The following RALGPS2 variants were observed in gnomAD, a reference collection of about 807,000 sequenced individuals.
RALGPS2 encodes Ral GEF with PH domain and SH3 binding motif 2.
Under a neutral mutation model 86.8 loss-of-function variants are expected in RALGPS2, and 43 were observed. That is an observed-to-expected ratio of 0.50 (90% CI 0.39 to 0.64). RALGPS2 has a LOEUF of 0.64. Among genes scored for constraint, RALGPS2 ranks in the 30% least tolerant of loss-of-function variants. RALGPS2 has a pLI of 0.00. For synonymous variants in RALGPS2, 243 were observed against 231.3 expected (o/e 1.05, Z -0.46); for missense variants, 536 against 694.6 (o/e 0.77, Z 2.57).
intron 8 of RALGPS2, among the ~76,000 whole-genome samples, chr1:178,862,773 G>A (rs980048111): frequency 1.3e-5 from 2 of 152,112 alleles, no homozygotes; most frequent in African/African-American, 2.4e-5. Context: ...GGTCCGCTAG[G>A]AAAGTAGGCT....
At chr1:178,838,081 C>T (rs1450472299) in intron 8 of RALGPS2, among the ~76,000 whole-genome samples, 3 of 152,234 alleles carry the variant, frequency 2.0e-5, no homozygotes, top group Non-Finnish European at 4.4e-5. Context: ...CTACCTGCCT[C>T]TGTAGAATCC....
chr1:178,870,389 T>A (rs2102349774), intron 8 of RALGPS2, among the ~76,000 whole-genome samples: 1 of 152,328 alleles, frequency 6.6e-6, no homozygotes, highest in Non-Finnish European at 1.5e-5. Context: ...ATTCCTTTGT[T>A]TTTAATCATT....
chr1:178,808,725 A>G (rs552734498), intron 5 of RALGPS2, among the ~76,000 whole-genome samples: 2 of 152,254 alleles, frequency 1.3e-5, no homozygotes, highest in South Asian at 4.1e-4. Context: ...TTTTGCTCAT[A>G]CGTAGGGTTG....
At chr1:178,766,451 A>G (rs1652513116) in intron 1 of RALGPS2, among the ~76,000 whole-genome samples, 1 of 150,176 alleles carries the variant, frequency 6.7e-6, no homozygotes, top group African/African-American at 2.5e-5. Context: ...CTGGTCTTGA[A>G]CTCCTTACAT....
At position 178,776,798 on chromosome 1, in the gene RALGPS2, A is replaced by C; in HGVS notation, c.34A>C (p.Asn12His). 2 of 1,613,200 alleles carry C rather than the reference A, an allele frequency of 1.2e-6. No homozygotes were observed. Among genetic ancestry groups the C allele is most frequent in the Non-Finnish European group, 1.7e-6 (2 of 1,179,470 alleles). Residue 12 changes from asparagine to histidine, a missense_variant, in exon 2 of 20, where the codon AAT becomes CAT. Physicochemically the swap from Asn to His is moderately conservative, Grantham distance 68 (BLOSUM62 1). Coordinates refer to ENST00000367635, the MANE Select transcript of RALGPS2 (RefSeq NM_152663.5). ...DLMNGQASSV[N>H]IAATASEKSS... ...AATGAACGGGCAGGCAAGCAGTGTC[A>C]ATATTGCAGCTACTGCTTCTGAGGT...
intron 1 of RALGPS2, chr1:178,746,754 C>T (rs1364633605): frequency 7.4e-6 from 6 of 806,594 alleles, no homozygotes; most frequent in East Asian, 2.4e-5. Flanking sequence ...ATCTGCTGCA[C>T]CTTCTGAGCT....
intron 1 of RALGPS2, chr1:178,753,708 T>C (rs193183160): frequency 1.3e-5 from 2 of 152,226 alleles, no homozygotes; most frequent in African/African-American, 4.8e-5. Context: ...GAGATACTTA[T>C]GTACCAAGTG....
At chr1:178,886,628 A>G (rs1003000587) in intron 13 of RALGPS2, among the ~76,000 whole-genome samples, 10 of 152,212 alleles carry the variant, frequency 6.6e-5, no homozygotes, top group Non-Finnish European at 1.5e-4. Flanking sequence ...ATCTGAAGAT[A>G]TACGAGAGGT....
chr1:178,836,710 T>C (rs898889383), intron 8 of RALGPS2, among the ~76,000 whole-genome samples: 2 of 152,240 alleles, frequency 1.3e-5, no homozygotes, highest in Non-Finnish European at 2.9e-5. Context: ...TATTAGCTGC[T>C]CTTACTCTAC....
At chr1:178,844,375 G>A (rs1656765466) in intron 8 of RALGPS2, among the ~76,000 whole-genome samples, 1 of 152,094 alleles carries the variant, frequency 6.6e-6, no homozygotes, top group South Asian at 2.1e-4. Context: ...CTTGTAAAAG[G>A]GAGTAGAGTC....
In RALGPS2 at chr1:178,877,500, A is replaced by T; in HGVS notation, c.610A>T (p.Ile204Phe). The T allele has an allele frequency of 6.2e-7, 1 of 1,612,962 alleles. No homozygotes were observed. Among genetic ancestry groups the T allele is most frequent in the Non-Finnish European group, 8.5e-7 (1 of 1,179,390 alleles). Residue 204 changes from isoleucine to phenylalanine, a missense_variant and splice_region_variant, in exon 9 of 20, where the codon ATC becomes TTC. Physicochemically the swap from Ile to Phe is conservative, Grantham distance 21. Coordinates refer to ENST00000367635, the MANE Select transcript of RALGPS2 (RefSeq NM_152663.5). ...TCATTTATCTAATTGTATTTCAGGT[A>T]TCTATTTGTCAGATTTAACATACAT... is the stretch of plus-strand genomic sequence containing the variant. ...KMTPCIPYLG[I>F]YLSDLTYIDS...
At chr1:178,727,565 CAT>C (rs1431649064) in intron 1 of RALGPS2, among the ~76,000 whole-genome samples, 1 of 152,146 alleles carries the variant, frequency 6.6e-6, no homozygotes, top group Non-Finnish European at 1.5e-5. Flanking sequence ...TGAGAGAAAA[CAT>C]AACTGAAAAA....
intron 19 of RALGPS2, among the ~76,000 whole-genome samples, chr1:178,910,579 TGGTGAACCAA>T (rs1214525498): frequency 6.6e-6 from 1 of 152,232 alleles, no homozygotes; most frequent in African/African-American, 2.4e-5. Context: ...GATTTGCATC[TGGTGAACCAA>T]CCTTGCATCT....
chr1:178,889,792 C>G, intron 14 of RALGPS2, 96 bp downstream of exon 14: 1 of 820,622 alleles, frequency 1.2e-6, no homozygotes, highest in Non-Finnish European at 1.9e-6. Flanking sequence ...ACTACATATC[C>G]CTAAGCGATT....
intron 5 of RALGPS2, among the ~76,000 whole-genome samples, chr1:178,809,087 C>T (rs760943048): frequency 3.3e-5 from 5 of 151,938 alleles, no homozygotes; most frequent in South Asian, 4.1e-4. Context: ...TGGCCTCAAG[C>T]GATCCTCCTG....
intron 1 of RALGPS2, among the ~76,000 whole-genome samples, chr1:178,732,913 A>G (rs990569213): frequency 1.3e-5 from 2 of 152,094 alleles, no homozygotes; most frequent in African/African-American, 4.8e-5. Flanking sequence ...TTTTTCACCC[A>G]CACGGCTGAA....
chr1:178,798,768 GATTTCT>G (rs1446520616), intron 4 of RALGPS2, among the ~76,000 whole-genome samples: 1 of 152,006 alleles, frequency 6.6e-6, no homozygotes, highest in Non-Finnish European at 1.5e-5. Context: ...ATGGGTCCAG[GATTTCT>G]ATAAGAAAGT....
At chr1:178,851,519 A>ACTCTTTGCT (rs1219830915) in intron 8 of RALGPS2, among the ~76,000 whole-genome samples, 3 of 151,554 alleles carry the variant, frequency 2.0e-5, no homozygotes, top group African/African-American at 7.3e-5. Flanking sequence ...CCTTTTTTTA[A>ACTCTTTGCT]CTCTTTGCTT....
Position 178,918,435 on chromosome 1 carries a change from ATGT to A in RALGPS2, c.*2080_*2082del, listed in dbSNP as rs1484765108. 6.6e-6 allele frequency: 1 copy of A among 152,106 alleles called. No homozygotes were observed. The highest frequency in any genetic ancestry group is 1.5e-5 in the Non-Finnish European group (1 of 67,980). 9.4% of individuals were successfully genotyped at this position (152,106 alleles called of 1,614,324 possible). ...TTTGTCATAATAAGCTAACGTAGAA[ATGT>A]TGTAGGTTAACCATATCTGTGGAAA... On this transcript the variant is annotated 3_prime_UTR_variant, in exon 20 of 20. Coordinates refer to ENST00000367635, the MANE Select transcript of RALGPS2 (RefSeq NM_152663.5).
Sources: gnomAD v4.1 joint callset for allele counts (sites outside exome capture counted in the v4.1 genomes callset) on GRCh38, gnomAD v4.1.1 for gene constraint, MANE v1.5 for transcripts, NCBI Gene and HGNC (gene_info 2026-07-23, HGNC 2026-07-21) for gene names.